PDE10A: variants seen among roughly 807,000 people sequenced by gnomAD.
PDE10A encodes cAMP and cAMP-inhibited cGMP 3',5'-cyclic phosphodiesterase 10A.
In PDE10A, 39 loss-of-function variants were observed where a neutral mutation model predicts 97.7. The ratio of observed to expected loss-of-function variants is 0.40; its 90% CI spans 0.31 to 0.52. The LOEUF (loss-of-function observed/expected upper bound fraction) is 0.52, where lower values mean the gene tolerates loss of function less well. PDE10A is among the 20% of genes least tolerant of loss of function. The probability of loss-of-function intolerance (pLI) is 0.56; values close to 1 mark genes in which losing one functional copy is unlikely to be tolerated. For missense variants in PDE10A, 731 were observed against 1,047.8 expected (o/e 0.70, Z 4.17); for synonymous variants, 371 against 376.8 (o/e 0.98, Z 0.18).
rs148712987 is a variant in PDE10A at position 165,836,204 on chromosome 6, G to A, written c.-615+151325C>T. ...CAAGACTCAGAGGGGACTGTAGATC[G>A]TCCAAGGCTACACCAGACCTCTTCC... On this transcript the variant is annotated intron_variant, in intron 1 of 19. Coordinates refer to the PDE10A transcript ENST00000366882. Among the ~76,000 whole-genome samples, 591 of 152,230 alleles carry A rather than the reference G, an allele frequency of 3.9e-3. 4 individuals carry two copies. Among genetic ancestry groups the A allele is most frequent in the African/African-American group, 0.014 (564 of 41,546 alleles).
chr6:165,567,993 CATTT>C lies in PDE10A; in HGVS notation c.866-24429_866-24426del, dbSNP rs1351196555. On this transcript the variant is annotated intron_variant, in intron 1 of 21. Transcript: ENST00000539869. ...AGCACACAATAGGTACGCAACAAGG[CATTT>C]TTTTTTTTTTTTTTTTTTTGAGACG... Among the ~76,000 whole-genome samples the C allele has an allele frequency of 7.7e-4, 89 of 115,626 alleles. 1 individual carries two copies. The highest frequency in any genetic ancestry group is 2.3e-3 in the African/African-American group (72 of 31,298). 75.9% of individuals were successfully genotyped at this position (115,626 alleles called of 152,430 possible).
chr6:165,388,382 CT>C lies in PDE10A; in HGVS notation c.2525del (p.Gln842ArgfsTer39). ...DHRGFSNSYL[Q>X]KFDHPLAALY... ...GAGCGGCCAGAGGGTGGTCGAACTT[CT>C]GCAGGTAGCTGTTACTGAAGCCCCT... On this transcript the variant is annotated frameshift_variant, in exon 17 of 22. Coordinates refer to ENST00000539869, the MANE Select transcript of PDE10A (RefSeq NM_001385079.1). LOFTEE classifies it high-confidence loss of function. The surrounding 1 kb of genome is among the most constrained non-coding windows in gnomAD (Gnocchi z 4.0). 6.2e-7 allele frequency: 1 copy of C among 1,614,150 alleles called. No individual in the cohort carries two copies. The highest frequency in any genetic ancestry group is 8.5e-7 in the Non-Finnish European group (1 of 1,179,982).
chr6:165,704,415 G>T (rs556361984), intron 1 of PDE10A, among the ~76,000 whole-genome samples: 2 of 152,180 alleles, frequency 1.3e-5, no homozygotes, highest in South Asian at 4.1e-4. Flanking sequence ...GCAAAAATGC[G>T]CAGCAGGAAT....
chr6:165,467,314 A>G (rs1014532544), intron 3 of PDE10A, among the ~76,000 whole-genome samples: 7 of 152,198 alleles, frequency 4.6e-5, no homozygotes, highest in African/African-American at 1.7e-4. Context: ...TAGAGAGTGG[A>G]TTTTCAAAGC....
At chr6:165,689,663 C>T (rs986579065) in intron 1 of PDE10A, among the ~76,000 whole-genome samples, 6 of 152,194 alleles carry the variant, frequency 3.9e-5, no homozygotes, top group African/African-American at 9.6e-5. Flanking sequence ...CCTCTTCCGC[C>T]GTGAGCGGAA....
At chr6:165,852,894 G>A (rs1325803397) in intron 1 of PDE10A, among the ~76,000 whole-genome samples, 2 of 152,244 alleles carry the variant, frequency 1.3e-5, no homozygotes, top group Non-Finnish European at 2.9e-5. Context: ...CAGTGGCAAA[G>A]GAACAGACGT....
At chr6:165,605,134 C>T (rs1787147469) in intron 1 of PDE10A, among the ~76,000 whole-genome samples, 1 of 152,092 alleles carries the variant, frequency 6.6e-6, no homozygotes, top group African/African-American at 2.4e-5. Flanking sequence ...TCTCCTCTGC[C>T]TGAATTTAAG....
intron 1 of PDE10A, among the ~76,000 whole-genome samples, chr6:165,927,719 A>G (rs1336860793): frequency 1.5e-5 from 2 of 133,792 alleles, no homozygotes; most frequent in African/African-American, 5.6e-5. Flanking sequence ...TTTGAGACAG[A>G]GGAGTCTCTC....
chr6:165,701,662 T>TGTGTGC (rs1277734211), intron 1 of PDE10A, among the ~76,000 whole-genome samples: 7 of 107,606 alleles, frequency 6.5e-5, no homozygotes, highest in African/African-American at 2.9e-4. Flanking sequence ...TGTGTGTGTG[T>TGTGTGC]GCATGTATGT....
intron 1 of PDE10A, among the ~76,000 whole-genome samples, chr6:165,811,793 T>C (rs1779290052): frequency 6.6e-6 from 1 of 152,252 alleles, no homozygotes. Flanking sequence ...GACTCATTTA[T>C]TTTAATTTTG....
At chr6:165,795,325 T>C (rs74962869) in intron 1 of PDE10A, among the ~76,000 whole-genome samples, 162 of 152,338 alleles carry the variant, frequency 1.1e-3, no homozygotes, top group African/African-American at 3.6e-3. Context: ...TTTTCCTTTC[T>C]AGCAATGACT....
intron 1 of PDE10A, among the ~76,000 whole-genome samples, chr6:165,761,618 A>G (rs1031907082): frequency 7.4e-5 from 11 of 148,892 alleles, no homozygotes; most frequent in Non-Finnish European, 1.6e-4. Context: ...TAAATTGACA[A>G]AGGAGGCTCA....
At chr6:165,930,411 T>C (rs973659541) in intron 1 of PDE10A, among the ~76,000 whole-genome samples, 1 of 152,186 alleles carries the variant, frequency 6.6e-6, no homozygotes, top group Non-Finnish European at 1.5e-5. Flanking sequence ...TTCCTTCCTT[T>C]GCATGCGTTC....
rs532176416 is a variant in PDE10A, at chr6:165,752,596, G to A, written c.-614-209028C>T. 3.9e-5 allele frequency among the ~76,000 whole-genome samples: 6 copies of A among 152,290 alleles called. No homozygotes were observed. In the East Asian group the frequency reaches 7.7e-4, roughly 20 times the overall value. ...TCATTTACTTCATTTTCTTAAATCA[G>A]TAAAACCCAAACATGTCAAACTGGG... On this transcript the variant is annotated intron_variant, in intron 1 of 19. Coordinates refer to the PDE10A transcript ENST00000366882.
At chr6:165,516,376 CCTT>C (rs780997396) in intron 2 of PDE10A, among the ~76,000 whole-genome samples, 1 of 152,178 alleles carries the variant, frequency 6.6e-6, no homozygotes, top group Non-Finnish European at 1.5e-5. Context: ...TAAATCCCCT[CCTT>C]AATTTATGAG....
intron 1 of PDE10A, among the ~76,000 whole-genome samples, chr6:165,768,908 C>T (rs1452800167): frequency 6.6e-6 from 1 of 152,120 alleles, no homozygotes; most frequent in Non-Finnish European, 1.5e-5. Context: ...ACCAGAGCAT[C>T]GAGCGCCGCA....
chr6:165,878,838 G>A (rs1218090198), intron 1 of PDE10A, among the ~76,000 whole-genome samples: 3 of 152,148 alleles, frequency 2.0e-5, no homozygotes, highest in African/African-American at 7.2e-5. Flanking sequence ...ATGGAGGAAG[G>A]GGCCATGAGC....
chr6:165,396,735 A>G (rs1017826052), intron 13 of PDE10A, among the ~76,000 whole-genome samples: 25 of 152,188 alleles, frequency 1.6e-4, no homozygotes, highest in African/African-American at 6.0e-4. Context: ...TGTCTTCCTT[A>G]AAATGCTCTG....
intron 1 of PDE10A, among the ~76,000 whole-genome samples, chr6:165,736,434 G>T (rs1242355871): frequency 6.6e-6 from 1 of 152,136 alleles, no homozygotes; most frequent in Non-Finnish European, 1.5e-5. Flanking sequence ...TGTCAAGAAA[G>T]ATACTCCTCC....
Sources: allele counts gnomAD v4.1 joint callset (sites outside exome capture counted in the v4.1 genomes callset), GRCh38; gene constraint gnomAD v4.1.1; non-coding constraint Gnocchi (gnomAD v3.1); transcripts MANE v1.5; gene names NCBI Gene and HGNC (gene_info 2026-07-23, HGNC 2026-07-21).